TENM3: variants seen among roughly 807,000 people sequenced by gnomAD.
The protein encoded by TENM3 is teneurin transmembrane protein 3, also known as teneurin-3.
TENM3 carries 63 observed loss-of-function variants against 255.1 expected under a neutral mutation model. That is an observed-to-expected ratio of 0.25 (90% CI 0.20 to 0.30). The LOEUF is 0.30. Among genes scored for constraint, TENM3 ranks in the 10% least tolerant of loss-of-function variants. The pLI, the probability that TENM3 is intolerant of heterozygous loss-of-function variation, is 1.00. For missense variants in TENM3, 2,929 were observed against 3,461.1 expected, an observed-to-expected ratio of 0.85 and a Z score of 3.86; for synonymous variants, 1,306 against 1,322.3, an observed-to-expected ratio of 0.99 and a Z score of 0.27.
chr4:181,453,105 A>G, the TENM3 span, among the ~76,000 whole-genome samples: 1 of 152,214 alleles, frequency 6.6e-6, no homozygotes, highest in Non-Finnish European at 1.5e-5. Context: ...AGATCTTTGT[A>G]TTAATTCACA....
At chr4:181,838,730 T>C in the TENM3 span, among the ~76,000 whole-genome samples, 7 of 152,130 alleles carry the variant, frequency 4.6e-5, no homozygotes, top group African/African-American at 1.7e-4. Context: ...AGCATTCTTA[T>C]TTTTAAAATT....
chr4:182,446,036 T>TG (rs1454759248), intron 3 of TENM3, among the ~76,000 whole-genome samples: 1 of 152,214 alleles, frequency 6.6e-6, no homozygotes, highest in Non-Finnish European at 1.5e-5. Context: ...AATGTATGCA[T>TG]GGGGGTGTCC....
chr4:182,369,304 G>T (rs1335902395), intron 3 of TENM3, among the ~76,000 whole-genome samples: 1 of 152,134 alleles, frequency 6.6e-6, no homozygotes, highest in African/African-American at 2.4e-5. Context: ...GAAAACTAAG[G>T]CTTAGAAAGA....
intron 3 of TENM3, among the ~76,000 whole-genome samples, chr4:182,583,257 T>C: frequency 6.6e-6 from 1 of 151,826 alleles, no homozygotes; most frequent in East Asian, 1.9e-4. Flanking sequence ...TTGTCTAGAT[T>C]TATATTTTGT....
the TENM3 span, among the ~76,000 whole-genome samples, chr4:181,655,162 A>G: frequency 5.9e-5 from 9 of 152,202 alleles, no homozygotes; most frequent in East Asian, 1.5e-3. Flanking sequence ...GGAAGCTGCC[A>G]GTGAGAATCA....
the TENM3 span, among the ~76,000 whole-genome samples, chr4:181,623,592 T>A: frequency 2.0e-5 from 3 of 152,366 alleles, no homozygotes; most frequent in East Asian, 5.8e-4. Flanking sequence ...AGACACTTGA[T>A]ATGAAAATCA....
At chr4:182,719,252 C>CTTTTTTTTTTTTTTTT (rs11348241) in intron 13 of TENM3, among the ~76,000 whole-genome samples, 11 of 80,870 alleles carry the variant, frequency 1.4e-4, no homozygotes, top group South Asian at 5.8e-4. Flanking sequence ...TTTTTTTTTT[C>CTTTTTTTTTTTTTTTT]TTTTTTTTTT....
At chr4:182,713,238 T>C (rs1363683904) in intron 12 of TENM3, among the ~76,000 whole-genome samples, 1 of 152,238 alleles carries the variant, frequency 6.6e-6, no homozygotes, top group Non-Finnish European at 1.5e-5. Context: ...GCTATCTGTC[T>C]TGAAGCACGT....
rs140972593 is a variant in TENM3 at position 182,321,184 on chromosome 4, A to T, written c.-75-2762A>T. On this transcript the variant is annotated intron_variant, in intron 1 of 27. Coordinates refer to ENST00000511685, the MANE Select transcript of TENM3 (RefSeq NM_001080477.4). ...AACAAAATTTCCCTGGAACTGAGAC[A>T]TATTTATTCACTCTGTCAGAAAGAA... Among the ~76,000 whole-genome samples the T allele has an allele frequency of 2.6e-3, 402 of 152,310 alleles. 1 individual carries two copies. The highest frequency in any genetic ancestry group is 9.1e-3 in the African/African-American group (378 of 41,570).
the TENM3 span, among the ~76,000 whole-genome samples, chr4:181,961,520 A>C: frequency 4.6e-5 from 7 of 152,068 alleles, no homozygotes; most frequent in East Asian, 1.9e-4. Flanking sequence ...CCCGGGTTCA[A>C]GCCATTCTCC....
chr4:182,050,620 G>A, the TENM3 span, among the ~76,000 whole-genome samples: 7 of 152,038 alleles, frequency 4.6e-5, no homozygotes, highest in South Asian at 2.1e-4. Context: ...CCTGGACAAC[G>A]TGGCAAAACT....
chr4:181,869,040 A>G, the TENM3 span, among the ~76,000 whole-genome samples: 1 of 151,786 alleles, frequency 6.6e-6, no homozygotes, highest in East Asian at 1.9e-4. Context: ...TTCTTATACT[A>G]TTATTAAATG....
At chr4:181,542,908 A>G in the TENM3 span, among the ~76,000 whole-genome samples, 10 of 152,212 alleles carry the variant, frequency 6.6e-5, no homozygotes, top group African/African-American at 2.2e-4. Context: ...AAGCCCATCA[A>G]GGGTTCCCCC....
At chr4:182,462,409 T>A (rs1003001168) in intron 3 of TENM3, among the ~76,000 whole-genome samples, 2 of 151,684 alleles carry the variant, frequency 1.3e-5, no homozygotes. Flanking sequence ...GTTGAATTGT[T>A]TATTGTTACT....
intron 1 of TENM3, among the ~76,000 whole-genome samples, chr4:182,191,882 T>C (rs555467188): frequency 6.6e-6 from 1 of 152,140 alleles, no homozygotes; most frequent in African/African-American, 2.4e-5. Flanking sequence ...GCATCCCCAG[T>C]TGGTTACTGT....
At chr4:182,128,950 C>T in the TENM3 span, among the ~76,000 whole-genome samples, 2 of 152,044 alleles carry the variant, frequency 1.3e-5, no homozygotes, top group African/African-American at 4.8e-5. Flanking sequence ...TTTTCATACT[C>T]AAATTAATTC....
At chr4:182,482,700 C>A (rs972527405) in intron 3 of TENM3, among the ~76,000 whole-genome samples, 30 of 152,176 alleles carry the variant, frequency 2.0e-4, no homozygotes, top group Non-Finnish European at 3.7e-4. Context: ...CTCTGACACA[C>A]CTGCATTATT....
chr4:182,532,788 T>C (rs1366607288), intron 3 of TENM3, among the ~76,000 whole-genome samples: 7 of 152,234 alleles, frequency 4.6e-5, no homozygotes, highest in Admixed American at 6.5e-5. Flanking sequence ...CCTATAATTG[T>C]CATTTTCTTT....
chr4:182,474,069 G>GA (rs1733426487), intron 3 of TENM3, among the ~76,000 whole-genome samples: 1 of 152,156 alleles, frequency 6.6e-6, no homozygotes, highest in South Asian at 2.1e-4. Context: ...GCTCTAGAAT[G>GA]GGCATTGCCT....
Sources: allele counts gnomAD v4.1 joint callset (sites outside exome capture counted in the v4.1 genomes callset), GRCh38; gene constraint gnomAD v4.1.1; transcripts MANE v1.5; gene names NCBI Gene and HGNC (gene_info 2026-07-23, HGNC 2026-07-21).